TMTC4: variants seen among roughly 807,000 people sequenced by gnomAD.
TMTC4 encodes protein O-mannosyl-transferase TMTC4.
Under a neutral mutation model 86.0 loss-of-function variants are expected in TMTC4, and 65 were observed. The ratio of observed to expected loss-of-function variants is 0.76; its 90% CI spans 0.62 to 0.93. The LOEUF (loss-of-function observed/expected upper bound fraction) is 0.93. Among genes scored for constraint, TMTC4 ranks in the 40% least tolerant of loss-of-function variants. TMTC4 has a pLI of 0.00. For missense variants in TMTC4, 866 were observed against 948.1 expected, an observed-to-expected ratio of 0.91 and a Z score of 1.14; for synonymous variants, 379 against 382.5, an observed-to-expected ratio of 0.99 and a Z score of 0.11.
intron 12 of TMTC4, among the ~76,000 whole-genome samples, chr13:100,630,605 T>G (rs1881223133): frequency 1.3e-5 from 2 of 152,242 alleles, no homozygotes; most frequent in African/African-American, 4.8e-5. Flanking sequence ...CAAAACAACC[T>G]AGGGCCGGAG....
At chr13:100,658,567 A>G (rs758775264) in intron 5 of TMTC4, among the ~76,000 whole-genome samples, 5 of 151,942 alleles carry the variant, frequency 3.3e-5, no homozygotes, top group African/African-American at 1.2e-4. Flanking sequence ...ACCAAGGGGA[A>G]GTGAGGTGAA....
intron 15 of TMTC4, among the ~76,000 whole-genome samples, chr13:100,623,355 C>T (rs1879840016): frequency 6.6e-6 from 1 of 152,216 alleles, no homozygotes; most frequent in Non-Finnish European, 1.5e-5. Flanking sequence ...GCCTCAGCCT[C>T]CCCAGCAGCT....
chr13:100,666,958 C>A (rs1594380779), intron 3 of TMTC4, among the ~76,000 whole-genome samples: 2 of 152,220 alleles, frequency 1.3e-5, no homozygotes, highest in East Asian at 3.8e-4. Context: ...CCACTGCACT[C>A]CAGCCTGGGC....
upstream of TMTC4, chr13:100,674,880 A>T: frequency 1.0e-6 from 1 of 967,050 alleles, no homozygotes; most frequent in Non-Finnish European, 1.2e-6. Context: ...CGCCTCCCGC[A>T]GCTCCCCACG....
At chr13:100,647,365 C>A (rs974079259) in intron 6 of TMTC4, among the ~76,000 whole-genome samples, 2 of 152,168 alleles carry the variant, frequency 1.3e-5, no homozygotes, top group Non-Finnish European at 2.9e-5. Context: ...TTCAAGTTGA[C>A]CAGGCGCTCA....
In TMTC4 at chr13:100,605,234, A is replaced by G. The variant is rs1876398815; in HGVS notation, c.2135-92T>C. 3 of 1,424,866 alleles carry G rather than the reference A, an allele frequency of 2.1e-6. No homozygotes were observed. In the African/African-American group the frequency reaches 4.3e-5, roughly 21 times the overall value. 88.3% of individuals were successfully genotyped at this position (1,424,866 alleles called of 1,614,324 possible). A position where few individuals can be genotyped will look rare whatever the true frequency, so the allele number is the denominator to read the frequency against. ...TGGACAAAGAAATATTACAGATCCT[A>G]TGCAAACAGTTTTCAAAAGTCAATT... On this transcript the variant is annotated intron_variant, in intron 18 of 18. Coordinates refer to ENST00000342624, the MANE Select transcript of TMTC4 (RefSeq NM_032813.5). The surrounding 1 kb of genome is among the most constrained non-coding windows in gnomAD (Gnocchi z 4.3).
At chr13:100,632,045 A>ACTCTCTCTCTCT (rs1409294236) in intron 12 of TMTC4, among the ~76,000 whole-genome samples, 1 of 65,050 alleles carries the variant, frequency 1.5e-5, no homozygotes, top group African/African-American at 4.4e-5. Context: ...ACACACACAC[A>ACTCTCTCTCTCT]CACACACACT....
At chr13:100,611,509 C>T (rs571564164) in intron 17 of TMTC4, among the ~76,000 whole-genome samples, 5 of 152,200 alleles carry the variant, frequency 3.3e-5, no homozygotes, top group South Asian at 2.1e-4. Flanking sequence ...GGCGTGAACC[C>T]GGGAGGCGGA....
chr13:100,614,419 G>A lies in TMTC4; in HGVS notation c.1848C>T (p.Leu616=), dbSNP rs1179554128. 6 of 1,611,392 alleles carry A rather than the reference G, an allele frequency of 3.7e-6. No homozygotes were observed. The highest frequency in any genetic ancestry group is 8.5e-7 in the Non-Finnish European group (1 of 1,179,256). Residue 616 remains leucine, a synonymous_variant, in exon 16 of 19, where the codon CTC becomes CTT. Coordinates refer to ENST00000342624, the MANE Select transcript of TMTC4 (RefSeq NM_032813.5). The stretch of plus-strand genomic sequence containing the variant: ...CATTCAAGGCATCCACGTGGCGATT[G>A]AGATCTGCATACTGAAAATAAAACA... The part of the protein sequence containing the change: ...YYNLGRLYAD[L]NRHVDALNAW...
intron 5 of TMTC4, among the ~76,000 whole-genome samples, chr13:100,660,430 G>C (rs1323976054): frequency 6.6e-6 from 1 of 151,840 alleles, no homozygotes; most frequent in Non-Finnish European, 1.5e-5. Flanking sequence ...AATGTACACT[G>C]AGACAAATGG....
At chr13:100,644,413 C>T (rs987631447) in intron 6 of TMTC4, among the ~76,000 whole-genome samples, 7 of 152,168 alleles carry the variant, frequency 4.6e-5, no homozygotes, top group South Asian at 4.1e-4. Context: ...GGGAGGCGCT[C>T]TTCACCTCAA....
chr13:100,666,800 C>A (rs1886444749), intron 3 of TMTC4, among the ~76,000 whole-genome samples: 1 of 152,172 alleles, frequency 6.6e-6, no homozygotes, highest in African/African-American at 2.4e-5. Flanking sequence ...ATCAACCAGG[C>A]AACACAGTGA....
At position 100,651,215 on chromosome 13, in the gene TMTC4, A is replaced by G. The variant is rs564849909; in HGVS notation, c.640+5166T>C. ...TTTAAGGTATCAGTTTAGAAACGAAATTGTTTTGGCTATTCTAGCAAGTTT... is the reference window on the plus strand; with the variant it reads ...TTTAAGGTATCAGTTTAGAAACGAAGTTGTTTTGGCTATTCTAGCAAGTTT... On this transcript the variant is annotated intron_variant, in intron 6 of 18. Coordinates refer to ENST00000342624, the MANE Select transcript of TMTC4 (RefSeq NM_032813.5). Among the ~76,000 whole-genome samples, 12 of 152,280 alleles carry G rather than the reference A, an allele frequency of 7.9e-5. No homozygotes were observed. In the South Asian group the frequency reaches 2.5e-3, roughly 32 times the overall value.
chr13:100,636,225 C>G (rs1045399655), intron 10 of TMTC4, among the ~76,000 whole-genome samples: 1 of 152,194 alleles, frequency 6.6e-6, no homozygotes, highest in African/African-American at 2.4e-5. Flanking sequence ...ATTACACTCT[C>G]TGTTCTGACC....
chr13:100,621,608 G>A (rs1345861945), intron 15 of TMTC4, among the ~76,000 whole-genome samples: 1 of 152,054 alleles, frequency 6.6e-6, no homozygotes, highest in Non-Finnish European at 1.5e-5. Context: ...TGCATTTTTA[G>A]TAGAGATGGG....
At chr13:100,611,691 T>C (rs1020558621) in intron 17 of TMTC4, among the ~76,000 whole-genome samples, 1 of 152,222 alleles carries the variant, frequency 6.6e-6, no homozygotes, top group Non-Finnish European at 1.5e-5. Flanking sequence ...ATCTCTACTT[T>C]AACAAGCTTC....
At chr13:100,632,045 A>ACT (rs1409294236) in intron 12 of TMTC4, among the ~76,000 whole-genome samples, 188 of 64,956 alleles carry the variant, frequency 2.9e-3, no homozygotes, top group African/African-American at 7.9e-3. Context: ...ACACACACAC[A>ACT]CACACACACT....
At chr13:100,657,342 C>G (rs763634329) in intron 5 of TMTC4, among the ~76,000 whole-genome samples, 3 of 152,218 alleles carry the variant, frequency 2.0e-5, no homozygotes, top group Non-Finnish European at 4.4e-5. Flanking sequence ...AGTGGGTTAA[C>G]CTGGAAAGCT....
chr13:100,655,959 C>G (rs1460352785), intron 6 of TMTC4, among the ~76,000 whole-genome samples: 1 of 152,144 alleles, frequency 6.6e-6, no homozygotes, highest in South Asian at 2.1e-4. Flanking sequence ...GAAGGAGGGA[C>G]AGTGTATGAA....
Sources: gnomAD v4.1 joint callset for allele counts (sites outside exome capture counted in the v4.1 genomes callset) on GRCh38, gnomAD v4.1.1 for gene constraint, Gnocchi (gnomAD v3.1) non-coding constraint, MANE v1.5 for transcripts, NCBI Gene and HGNC (gene_info 2026-07-23, HGNC 2026-07-21) for gene names.